Variants in MIS18A observed in about 807,000 individuals in gnomAD.
MIS18A encodes MIS18 kinetochore protein A.
A neutral mutation model predicts 25.0 loss-of-function variants in MIS18A; 14 were observed. The ratio of observed to expected loss-of-function variants is 0.56; its 90% CI spans 0.37 to 0.88. The LOEUF (loss-of-function observed/expected upper bound fraction) is 0.88, where lower values mean the gene tolerates loss of function less well. Ranked by LOEUF, MIS18A falls within the 40% of genes least tolerant of loss-of-function variation. The probability of loss-of-function intolerance (pLI) is 0.00; values close to 1 mark genes in which losing one functional copy is unlikely to be tolerated. For missense variants in MIS18A, 292 were observed against 290.8 expected, an observed-to-expected ratio of 1.00 and a Z score of -0.03; for synonymous variants, 134 against 118.6, an observed-to-expected ratio of 1.13 and a Z score of -0.84.
the MIS18A span, among the ~76,000 whole-genome samples, chr21:32,239,558 A>G: frequency 6.6e-6 from 1 of 152,244 alleles, no homozygotes; most frequent in Non-Finnish European, 1.5e-5. Context: ...GTTATTTATA[A>G]GATTCTCACC....
chr21:32,270,542 A>T lies in MIS18A; in HGVS notation c.402-13T>A. ...AGTCTCAAGGACGCTGCAATAAAGA[A>T]ATGTCTTGCTTTAGGAAACGAAGCA... On this transcript the variant is annotated splice_polypyrimidine_tract_variant and intron_variant, in intron 2 of 4. Coordinates refer to ENST00000290130, the MANE Select transcript of MIS18A (RefSeq NM_018944.3). 6.5e-7 allele frequency: 1 copy of T among 1,527,012 alleles called. No homozygotes were observed. Among genetic ancestry groups the T allele is most frequent in the Non-Finnish European group, 8.8e-7 (1 of 1,139,476 alleles). 94.6% of individuals were successfully genotyped at this position (1,527,012 alleles called of 1,614,324 possible).
chr21:32,195,684 C>A, the MIS18A span, among the ~76,000 whole-genome samples: 1 of 152,124 alleles, frequency 6.6e-6, no homozygotes, highest in Non-Finnish European at 1.5e-5. Flanking sequence ...TGCTCCAGAG[C>A]AGCTTAGAGG....
the MIS18A span, among the ~76,000 whole-genome samples, chr21:32,183,445 C>T: frequency 4.6e-5 from 7 of 152,306 alleles, no homozygotes; most frequent in East Asian, 1.3e-3. Context: ...TGTCTTTTCT[C>T]ATATACAATA....
the MIS18A span, among the ~76,000 whole-genome samples, chr21:32,157,367 C>T: frequency 1.3e-5 from 2 of 151,574 alleles, no homozygotes; most frequent in East Asian, 1.9e-4. Context: ...CCGGGCCTGG[C>T]TGTTTGCTTT....
the MIS18A span, among the ~76,000 whole-genome samples, chr21:32,160,409 T>A: frequency 6.6e-6 from 1 of 151,958 alleles, no homozygotes; most frequent in Non-Finnish European, 1.5e-5. Flanking sequence ...AGGTCACAGT[T>A]AATATAGAAA....
the MIS18A span, among the ~76,000 whole-genome samples, chr21:32,245,395 A>G: frequency 6.6e-6 from 1 of 152,202 alleles, no homozygotes; most frequent in Non-Finnish European, 1.5e-5. Flanking sequence ...GCCGAAATAG[A>G]TATGTGATCG....
chr21:32,206,762 A>C, the MIS18A span, among the ~76,000 whole-genome samples: 75 of 152,282 alleles, frequency 4.9e-4, no homozygotes, highest in African/African-American at 1.6e-3. Flanking sequence ...AAAGCAGGAA[A>C]TGAGGTTATT....
At chr21:32,223,718 A>C in the MIS18A span, among the ~76,000 whole-genome samples, 1 of 152,216 alleles carries the variant, frequency 6.6e-6, no homozygotes, top group East Asian at 1.9e-4. Context: ...AGCTGGTACC[A>C]TTCCTTCTGA....
At chr21:32,159,035 T>C in the MIS18A span, among the ~76,000 whole-genome samples, 1 of 152,220 alleles carries the variant, frequency 6.6e-6, no homozygotes, top group Non-Finnish European at 1.5e-5. Context: ...ACTTTTTTCA[T>C]CTTTTATTTC....
the MIS18A span, among the ~76,000 whole-genome samples, chr21:32,246,361 T>G: frequency 6.6e-6 from 1 of 152,030 alleles, no homozygotes; most frequent in Non-Finnish European, 1.5e-5. Context: ...GCACACGCCC[T>G]TCGGTACGCC....
the MIS18A span, among the ~76,000 whole-genome samples, chr21:32,262,918 G>A: frequency 6.6e-6 from 1 of 152,030 alleles, no homozygotes; most frequent in Non-Finnish European, 1.5e-5. Context: ...TTATCACTGG[G>A]ATTTAAACAG....
chr21:32,162,678 A>G, the MIS18A span, among the ~76,000 whole-genome samples: 1 of 152,204 alleles, frequency 6.6e-6, no homozygotes, highest in Non-Finnish European at 1.5e-5. Context: ...TATACCTACC[A>G]TAACCTAGTA....
chr21:32,215,364 C>T, the MIS18A span, among the ~76,000 whole-genome samples: 17 of 152,210 alleles, frequency 1.1e-4, no homozygotes, highest in South Asian at 1.5e-3. Flanking sequence ...GAGAGATCTC[C>T]GGCTGTGACC....
chr21:32,159,428 T>TTAA, the MIS18A span, among the ~76,000 whole-genome samples: 1 of 152,260 alleles, frequency 6.6e-6, no homozygotes, highest in African/African-American at 2.4e-5. Context: ...GCTGTTGTCA[T>TTAA]TTAAGCCAAC....
the MIS18A span, among the ~76,000 whole-genome samples, chr21:32,250,730 C>A: frequency 2.6e-5 from 4 of 152,208 alleles, no homozygotes; most frequent in African/African-American, 7.2e-5. Context: ...AGCACCCATC[C>A]CTCCTCTCAC....
chr21:32,226,892 C>T, the MIS18A span, among the ~76,000 whole-genome samples: 1 of 152,120 alleles, frequency 6.6e-6, no homozygotes, highest in South Asian at 2.1e-4. Flanking sequence ...AATATGTTCT[C>T]CAACCATAAT....
At chr21:32,266,967 AAC>A (rs199958126), downstream of MIS18A, among the ~76,000 whole-genome samples, 101 of 149,210 alleles carry the variant, frequency 6.8e-4, 2 homozygotes, top group Middle Eastern at 0.017. Flanking sequence ...GGACAAGTTA[AAC>A]ACACACACAC....
the MIS18A span, among the ~76,000 whole-genome samples, chr21:32,227,576 C>G: frequency 6.6e-6 from 1 of 152,028 alleles, no homozygotes; most frequent in Non-Finnish European, 1.5e-5. Context: ...AAAAACATTG[C>G]AAAGAAAAGG....
the MIS18A span, among the ~76,000 whole-genome samples, chr21:32,189,480 T>C: frequency 6.6e-6 from 1 of 152,174 alleles, no homozygotes; most frequent in Non-Finnish European, 1.5e-5. Flanking sequence ...GGTTTCGCCA[T>C]GTTGCCCAGG....
Sources: allele counts gnomAD v4.1 joint callset (sites outside exome capture counted in the v4.1 genomes callset), GRCh38; gene constraint gnomAD v4.1.1; transcripts MANE v1.5; gene names NCBI Gene and HGNC (gene_info 2026-07-23, HGNC 2026-07-21).